The following ZNF726 variants were observed in gnomAD, a reference collection of about 807,000 sequenced individuals.
The protein encoded by ZNF726 is zinc finger protein 726, also known as zinc finger protein 92 pseudogene 3.
Under a neutral mutation model 11.6 loss-of-function variants are expected in ZNF726, and 15 were observed. That is an observed-to-expected ratio of 1.29 (90% confidence interval 0.86 to 1.99). The LOEUF (loss-of-function observed/expected upper bound fraction) is 1.99. Among genes scored for constraint, ZNF726 ranks in the 30% most tolerant of loss-of-function variants. The probability of loss-of-function intolerance (pLI) is 0.00; values close to 1 mark genes in which losing one functional copy is unlikely to be tolerated. For synonymous variants in ZNF726, 295 were observed against 243.6 expected, an observed-to-expected ratio of 1.21 and a Z score of -1.96; for missense variants, 890 against 725.6, an observed-to-expected ratio of 1.23 and a Z score of -2.60.
chr19:23,914,935 C>T lies in ZNF726; in HGVS notation c.-60C>T. On this transcript the variant is annotated 5_prime_UTR_variant, in exon 1 of 4. Transcript: ENST00000594466. ...AGGTCTCGTCCTCACTACTCTGTGT[C>T]TTCTGCTTTTAGGGGCGCAGCCTCT... 6.2e-7 allele frequency: 1 copy of T among 1,611,924 alleles called. No individual in the cohort carries two copies. Among genetic ancestry groups the T allele is most frequent in the East Asian group, 2.2e-5 (1 of 44,848 alleles).
chr19:23,927,448 TG>T (rs1371392271), intron 3 of ZNF726, among the ~76,000 whole-genome samples: 8 of 152,240 alleles, frequency 5.3e-5, no homozygotes, highest in Admixed American at 2.6e-4. Context: ...CAACACAAAG[TG>T]TGTAATTTTG....
chr19:23,915,914 A>G (rs566482761), intron 1 of ZNF726, among the ~76,000 whole-genome samples: 5 of 152,302 alleles, frequency 3.3e-5, no homozygotes, highest in African/African-American at 7.2e-5. Flanking sequence ...AGGTGGAAAT[A>G]TCATGGTTAT....
chr19:23,925,245 T>A (rs1380814595), intron 3 of ZNF726, among the ~76,000 whole-genome samples: 10 of 152,246 alleles, frequency 6.6e-5, no homozygotes, highest in Admixed American at 5.9e-4. Flanking sequence ...GTATTTTAGA[T>A]ATAGATTCAT....
intron 3 of ZNF726, chr19:23,928,756 A>G (rs2144981186): frequency 6.6e-6 from 1 of 152,280 alleles, no homozygotes; most frequent in African/African-American, 2.4e-5. Context: ...TTAAGCCACT[A>G]AAGCATTTTA....
At chr19:23,916,263 A>G (rs1967695920) in intron 1 of ZNF726, among the ~76,000 whole-genome samples, 1 of 151,956 alleles carries the variant, frequency 6.6e-6, no homozygotes, top group Non-Finnish European at 1.5e-5. Context: ...TCTCCTCTCT[A>G]ATTGACTTTA....
chr19:23,943,396 A>T, intron 3 of ZNF726: 1 of 431,434 alleles, frequency 2.3e-6, no homozygotes. Context: ...GAAATTAAAT[A>T]TGTAGAAGCT....
chr19:23,915,165 CTGA>C (rs1967665918), intron 1 of ZNF726, among the ~76,000 whole-genome samples, 168 bp downstream of exon 1: 1 of 152,168 alleles, frequency 6.6e-6, no homozygotes, highest in Non-Finnish European at 1.5e-5. Flanking sequence ...GGCGGCTGCG[CTGA>C]CAGCCGGGCT....
Position 23,934,343 on chromosome 19 carries a change from A to G in ZNF726, c.*376A>G, listed in dbSNP as rs78397680. 0.056 allele frequency: 30,899 copies of G among 555,958 alleles called. 1,270 individuals are homozygous for G. The highest frequency in any genetic ancestry group is 0.079 in the South Asian group (5,467 of 69,206). 34.4% of individuals were successfully genotyped at this position (555,958 alleles called of 1,614,324 possible). On this transcript the variant is annotated 3_prime_UTR_variant, in exon 4 of 4. Transcript: ENST00000594466. ...TGGCAAAGCCTTTAAATGTTCCTCA[A>G]CTGTTACTGAACATAAAGTAATTCA...
intron 3 of ZNF726, among the ~76,000 whole-genome samples, chr19:23,940,343 G>A (rs1968318600): frequency 6.6e-6 from 1 of 151,948 alleles, no homozygotes; most frequent in East Asian, 1.9e-4. Context: ...TTATTTCTGG[G>A]TTCACTCTTC....
intron 3 of ZNF726, among the ~76,000 whole-genome samples, chr19:23,930,163 T>G (rs1222943260): frequency 7.2e-5 from 11 of 152,310 alleles, no homozygotes; most frequent in African/African-American, 2.6e-4. Flanking sequence ...ATTTTGGATT[T>G]TTTAATTTTC....
chr19:23,944,371 A>G (rs1370809472), intron 4 of ZNF726: 1 of 152,262 alleles, frequency 6.6e-6, no homozygotes, highest in Non-Finnish European at 1.5e-5. Context: ...GTAGATACCC[A>G]ATGATGAGAC....
At chr19:23,941,492 C>T (rs1444070498) in intron 3 of ZNF726, among the ~76,000 whole-genome samples, 1 of 152,030 alleles carries the variant, frequency 6.6e-6, no homozygotes, top group African/African-American at 2.4e-5. Context: ...GCTGGCTTCA[C>T]AGAATGAATT....
In ZNF726 at chr19:23,919,480, C is replaced by T. The variant is rs536853065; in HGVS notation, c.111C>T (p.Tyr37=). Residue 37 remains tyrosine, a synonymous_variant, in exon 2 of 4, where the codon TAC becomes TAT. Transcript: ENST00000594466. The part of the protein sequence containing the change: ...NLYRNVMLEN[Y]RNLAFLGIAV... ...ATAGGAATGTGATGTTAGAGAACTA[C>T]AGAAACCTGGCCTTCCTGGGTGAGG... 9.4e-6 allele frequency: 15 copies of T among 1,602,982 alleles called. No homozygotes were observed. In the African/African-American group the frequency reaches 9.4e-5, roughly 10 times the overall value.
rs1375860582 is a variant in ZNF726, at chr19:23,919,364, A to G, written c.4-9A>G. 1 of 1,602,452 alleles carries G rather than the reference A, an allele frequency of 6.2e-7. No homozygotes were observed. Among genetic ancestry groups the G allele is most frequent in the East Asian group, 2.2e-5 (1 of 44,566 alleles). ...TTTGTAAATATGTGTGTTTGTGTGT[A>G]TTTTCCAGGGACTGTTGACATTTAG... On this transcript the variant is annotated splice_polypyrimidine_tract_variant and intron_variant, in intron 1 of 3. Transcript: ENST00000594466.
downstream of ZNF726, chr19:23,936,179 A>G (rs1968227676): frequency 6.6e-6 from 1 of 152,250 alleles, no homozygotes; most frequent in African/African-American, 2.4e-5. Flanking sequence ...TGCATTAAAT[A>G]TGAAAGATGT....
At chr19:23,926,571 A>T (rs1258526345) in intron 3 of ZNF726, among the ~76,000 whole-genome samples, 1 of 27,038 alleles carries the variant, frequency 3.7e-5, no homozygotes, top group Non-Finnish European at 6.5e-5. Flanking sequence ...CTCTGTTCCA[A>T]AAAAAAAAAA....
intron 3 of ZNF726, among the ~76,000 whole-genome samples, chr19:23,931,441 T>C (rs1201298231): frequency 6.6e-6 from 1 of 152,066 alleles, no homozygotes; most frequent in African/African-American, 2.4e-5. Context: ...CTGTTCCTGT[T>C]TTAATCAGTA....
chr19:23,920,184 C>T, intron 3 of ZNF726, 102 bp downstream of exon 3: 1 of 792,512 alleles, frequency 1.3e-6, no homozygotes, highest in South Asian at 1.5e-5. Flanking sequence ...CCAAAGGAAA[C>T]CGTTTCTGGA....
intron 3 of ZNF726, among the ~76,000 whole-genome samples, chr19:23,931,619 A>G (rs766358585): frequency 9.2e-5 from 14 of 152,210 alleles, no homozygotes; most frequent in Non-Finnish European, 1.6e-4. Flanking sequence ...CAAAATTTTT[A>G]TAATGTGGCT....
Sources: gnomAD v4.1 joint callset for allele counts (sites outside exome capture counted in the v4.1 genomes callset) on GRCh38, gnomAD v4.1.1 for gene constraint, MANE v1.5 for transcripts, NCBI Gene and HGNC (gene_info 2026-07-23, HGNC 2026-07-21) for gene names.